FLRT1: variants seen among roughly 807,000 people sequenced by gnomAD.
FLRT1 encodes the protein fibronectin leucine rich transmembrane protein 1, also known as leucine-rich repeat transmembrane protein FLRT1.
FLRT1 carries 14 observed loss-of-function variants against 30.9 expected under a neutral mutation model. That is an observed-to-expected ratio of 0.45 (90% CI 0.30 to 0.71). The LOEUF (loss-of-function observed/expected upper bound fraction) is 0.71, where lower values mean the gene tolerates loss of function less well. FLRT1 is among the 30% of genes least tolerant of loss of function. The pLI is 0.08. For synonymous variants in FLRT1, 368 were observed against 430.4 expected (o/e 0.85, Z 1.80); for missense variants, 737 against 949.2 (o/e 0.78, Z 2.94).
rs923106114 is a variant in FLRT1, at chr11:64,103,528, C to T, written c.-703C>T. ...TTGGAGAGTGGCTCCCTCTCAGCTC[C>T]GTCATGCAAGAACACTCTCTGCACC... On this transcript the variant is annotated 5_prime_UTR_variant, in exon 2 of 3. Transcript: ENST00000682287. 8 of 151,560 alleles carry T rather than the reference C, an allele frequency of 5.3e-5. No homozygotes were observed. The highest frequency in any genetic ancestry group is 7.3e-5 in the African/African-American group (3 of 41,132). 9.4% of individuals were successfully genotyped at this position (151,560 alleles called of 1,614,324 possible). A position where few individuals can be genotyped will look rare whatever the true frequency, so the allele number is the denominator to read the frequency against.
chr11:64,048,933 A>G lies in FLRT1; in HGVS notation c.-1038+12774A>G, dbSNP rs1454642095. 3.3e-5 allele frequency among the ~76,000 whole-genome samples: 5 copies of G among 151,990 alleles called. 1 individual carries two copies. The highest frequency in any genetic ancestry group is 9.7e-5 in the African/African-American group (4 of 41,386). ...AGCCAGCTCGCCAGACCCTCAAAGCAGTCTGGTGTGAGGGAGAGCCTGTCA... is the reference window on the plus strand; with the variant it reads ...AGCCAGCTCGCCAGACCCTCAAAGCGGTCTGGTGTGAGGGAGAGCCTGTCA... On this transcript the variant is annotated intron_variant, in intron 1 of 2. Coordinates refer to ENST00000682287, the MANE Select transcript of FLRT1 (RefSeq NM_013280.5).
intron 1 of FLRT1, among the ~76,000 whole-genome samples, chr11:64,061,604 G>A (rs534554914): frequency 6.6e-6 from 1 of 152,164 alleles, no homozygotes; most frequent in African/African-American, 2.4e-5. Context: ...GATGGGGTCC[G>A]AATCTGCATG....
Position 64,090,762 on chromosome 11 carries a change from G to A in FLRT1, c.-1037-12432G>A, listed in dbSNP as rs1040281551. 9.2e-5 allele frequency among the ~76,000 whole-genome samples: 14 copies of A among 151,990 alleles called. No individual in the cohort carries two copies. Among genetic ancestry groups the A allele is most frequent in the South Asian group, 6.2e-4 (3 of 4,814 alleles). On this transcript the variant is annotated intron_variant, in intron 1 of 2. Transcript: ENST00000682287. The surrounding 1 kb of genome is among the most constrained non-coding windows in gnomAD (Gnocchi z 4.7). The stretch of plus-strand genomic sequence containing the variant: ...CACATCCCAAGACTAAAAGGGGGGC[G>A]GGGTGGCGGCGTCTCTCCACCAGGC...
At chr11:64,055,485 C>T (rs538639229) in intron 1 of FLRT1, among the ~76,000 whole-genome samples, 147 of 152,282 alleles carry the variant, frequency 9.7e-4, no homozygotes, top group African/African-American at 3.2e-3. Context: ...TGTCCCCATC[C>T]TAAGTGGCTC....
At chr11:64,073,014 C>T (rs191193174) in intron 1 of FLRT1, among the ~76,000 whole-genome samples, 12 of 152,320 alleles carry the variant, frequency 7.9e-5, no homozygotes, top group African/African-American at 2.9e-4. Flanking sequence ...TCGGGACCCA[C>T]CCACAGGCAG....
intron 2 of FLRT1, among the ~76,000 whole-genome samples, chr11:64,109,495 G>A: frequency 6.6e-6 from 1 of 152,166 alleles, no homozygotes; most frequent in East Asian, 1.9e-4. Flanking sequence ...GGGGAGGGCT[G>A]CAGAGGGGGT....
chr11:64,056,836 ACCTCCACTCTG>A (rs1943794857), intron 1 of FLRT1, among the ~76,000 whole-genome samples: 1 of 151,094 alleles, frequency 6.6e-6, no homozygotes, highest in African/African-American at 2.4e-5. Context: ...CCCTGGGATG[ACCTCCACTCTG>A]CCTTCTAAAC....
intron 1 of FLRT1, among the ~76,000 whole-genome samples, chr11:64,058,082 C>A (rs553487452): frequency 3.9e-5 from 6 of 152,348 alleles, no homozygotes; most frequent in African/African-American, 1.4e-4. Context: ...GGAACAATTG[C>A]GAACCCATTA....
chr11:64,072,326 G>A (rs538795895), intron 1 of FLRT1, among the ~76,000 whole-genome samples: 2 of 152,318 alleles, frequency 1.3e-5, no homozygotes, highest in South Asian at 2.1e-4. Flanking sequence ...CTGCACCAGG[G>A]CGAGCCTTTG....
chr11:64,038,029 A>T (rs1590822621), intron 1 of FLRT1, among the ~76,000 whole-genome samples: 1 of 152,070 alleles, frequency 6.6e-6, no homozygotes, highest in Non-Finnish European at 1.5e-5. Context: ...GGATTTTCCC[A>T]CCACCAGCCA....
intron 1 of FLRT1, chr11:64,060,731 TG>T (rs1943884102): frequency 6.6e-6 from 1 of 152,254 alleles, no homozygotes; most frequent in Admixed American, 6.5e-5. Context: ...GGCTGAGCTC[TG>T]TGCCGAGCCC....
intron 1 of FLRT1, among the ~76,000 whole-genome samples, chr11:64,102,927 C>T (rs1007035489): frequency 2.6e-5 from 4 of 151,972 alleles, no homozygotes; most frequent in South Asian, 2.1e-4. Flanking sequence ...AAAAATTAGC[C>T]GGGTGTGGTG....
rs150666149 is a variant in FLRT1 at position 64,096,815 on chromosome 11, C to T, written c.-1037-6379C>T. Among the ~76,000 whole-genome samples, 379 of 152,298 alleles carry T rather than the reference C, an allele frequency of 2.5e-3. No homozygotes were observed. Among genetic ancestry groups the T allele is most frequent in the South Asian group, 8.9e-3 (43 of 4,826 alleles). On this transcript the variant is annotated intron_variant, in intron 1 of 2. Coordinates refer to ENST00000682287, the MANE Select transcript of FLRT1 (RefSeq NM_013280.5). The surrounding 1 kb of genome is among the most constrained non-coding windows in gnomAD (Gnocchi z 4.6). ...AGAGGGCAGGCCTGTGGGGGGCTGCCGTGTCCCCATACCCTCCAAGCACAC... is the reference window on the plus strand; with the variant it reads ...AGAGGGCAGGCCTGTGGGGGGCTGCTGTGTCCCCATACCCTCCAAGCACAC...
intron 1 of FLRT1, among the ~76,000 whole-genome samples, chr11:64,058,195 C>T (rs1233022609): frequency 1.3e-5 from 2 of 152,282 alleles, no homozygotes; most frequent in Non-Finnish European, 2.9e-5. Flanking sequence ...GACTAATCCT[C>T]TCTTTCTGGG....
At chr11:64,083,586 C>A (rs1157456438) in intron 1 of FLRT1, among the ~76,000 whole-genome samples, 1 of 152,232 alleles carries the variant, frequency 6.6e-6, no homozygotes, top group Non-Finnish European at 1.5e-5. Flanking sequence ...TGCCACAAAT[C>A]CTTTCGAGAA....
intron 2 of FLRT1, among the ~76,000 whole-genome samples, chr11:64,104,599 C>T (rs558943923): frequency 2.0e-5 from 3 of 152,220 alleles, no homozygotes; most frequent in Admixed American, 6.5e-5. Context: ...CTTGCCCTGG[C>T]GCCTGCTGCC....
intron 1 of FLRT1, among the ~76,000 whole-genome samples, chr11:64,068,575 TTTGA>T (rs1944048047): frequency 6.6e-6 from 1 of 152,214 alleles, no homozygotes; most frequent in African/African-American, 2.4e-5. Flanking sequence ...CGCATTCCCA[TTTGA>T]TTGGCAGATA....
intron 1 of FLRT1, among the ~76,000 whole-genome samples, chr11:64,076,341 C>T (rs1284362928): frequency 6.6e-6 from 1 of 152,220 alleles, no homozygotes; most frequent in Non-Finnish European, 1.5e-5. Context: ...AGGGACAGGT[C>T]TGGAGTCTCC....
At position 64,116,306 on chromosome 11, in the gene FLRT1, G is replaced by T; in HGVS notation, c.39G>T (p.Thr13=). 6.2e-7 allele frequency: 1 copy of T among 1,606,302 alleles called. No individual in the cohort carries two copies. The change falls in exon 3 of 3, where the codon ACG becomes ACT. Residue 13 remains threonine, a synonymous_variant. Transcript: ENST00000682287. The stretch of plus-strand genomic sequence containing the variant: ...ACCCCACCGCCACTGCCACCACCAC[G>T]CCCACTGCCACTGTCACGGCCACCG... ...VAHPTATATT[T]PTATVTATVV...
Sources: allele counts gnomAD v4.1 joint callset (sites outside exome capture counted in the v4.1 genomes callset), GRCh38; gene constraint gnomAD v4.1.1; non-coding constraint Gnocchi (gnomAD v3.1); transcripts MANE v1.5; gene names NCBI Gene and HGNC (gene_info 2026-07-23, HGNC 2026-07-21).